Variants in RAB2B observed in about 807,000 individuals in gnomAD.
RAB2B encodes the protein ras-related protein Rab-2B.
In RAB2B, 20 loss-of-function variants were observed where a neutral mutation model predicts 29.8. That is an observed-to-expected ratio of 0.67 (90% CI 0.47 to 0.97). The LOEUF (loss-of-function observed/expected upper bound fraction) is 0.97. RAB2B is among the 50% of genes least tolerant of loss of function. The probability of loss-of-function intolerance (pLI) is 0.00; values close to 1 mark genes in which losing one functional copy is unlikely to be tolerated. For missense variants in RAB2B, 218 were observed against 272.0 expected (o/e 0.80, Z 1.40); for synonymous variants, 93 against 91.7 (o/e 1.01, Z -0.08).
chr14:21,473,784 G>C (rs995947024), intron 3 of RAB2B, among the ~76,000 whole-genome samples: 1 of 151,738 alleles, frequency 6.6e-6, no homozygotes, highest in Non-Finnish European at 1.5e-5. Context: ...AGGCTGAGGC[G>C]GGCGGATCAC....
intron 5 of RAB2B, among the ~76,000 whole-genome samples, chr14:21,464,160 G>A (rs1890634326): frequency 6.6e-6 from 1 of 152,110 alleles, no homozygotes; most frequent in South Asian, 2.1e-4. Context: ...CCAGCTCTTT[G>A]GGATGCCGAG....
chr14:21,463,229 C>T (rs368377396), intron 6 of RAB2B, among the ~76,000 whole-genome samples: 9 of 148,052 alleles, frequency 6.1e-5, no homozygotes, highest in South Asian at 2.1e-4. Context: ...GTAGTCACTA[C>T]GATCAGAAGA....
In RAB2B at chr14:21,468,756, TC is replaced by T; in HGVS notation, c.187-5del. On this transcript the variant is annotated splice_polypyrimidine_tract_variant and splice_region_variant and intron_variant, in intron 3 of 7. Transcript: ENST00000397762. The stretch of plus-strand genomic sequence containing the variant: ...AACGGAAGGATTCTTGCCCAGCCTT[TC>T]CCACCAACATGGCAACAAAAAATCC... 1 of 1,521,516 alleles carries T rather than the reference TC, an allele frequency of 6.6e-7. No homozygotes were observed. Among genetic ancestry groups the T allele is most frequent in the Non-Finnish European group, 8.8e-7 (1 of 1,134,646 alleles). The allele number at this position is 1,521,516 out of a possible 1,614,324, so 94.3% of individuals were successfully genotyped here. A position where few individuals can be genotyped will look rare whatever the true frequency, so the allele number is the denominator to read the frequency against.
At chr14:21,476,377 C>T (rs1374116949) in intron 2 of RAB2B, 151 bp downstream of exon 2, 2 of 745,500 alleles carry the variant, frequency 2.7e-6, no homozygotes, top group African/African-American at 1.7e-5. Context: ...ATCAACGTTT[C>T]ATTGGTCACT....
Position 21,461,237 on chromosome 14 carries a change from G to T in RAB2B, c.610C>A (p.Arg204=). 1 of 1,613,710 alleles carries T rather than the reference G, an allele frequency of 6.2e-7. No individual in the cohort carries two copies. Among genetic ancestry groups the T allele is most frequent in the Non-Finnish European group, 8.5e-7 (1 of 1,179,794 alleles). ...STSVGPSASQ[R]NSRDIGSNSG... is the part of the protein sequence containing the mutation. ...TTGGACCCTATGTCACGAGAGTTCC[G>T]CTGGGAGGCACTGGGTCCCACTGAT... Residue 204 remains arginine, a synonymous_variant, in exon 8 of 8, where the codon CGG becomes AGG. Coordinates refer to ENST00000397762, the MANE Select transcript of RAB2B (RefSeq NM_032846.4).
chr14:21,463,129 T>G (rs942794188), intron 6 of RAB2B, among the ~76,000 whole-genome samples: 1 of 152,112 alleles, frequency 6.6e-6, no homozygotes, highest in Non-Finnish European at 1.5e-5. Flanking sequence ...TAATCCACAC[T>G]TGCCAACTAA....
chr14:21,475,215 T>G (rs1358438432), intron 2 of RAB2B, among the ~76,000 whole-genome samples: 1 of 152,182 alleles, frequency 6.6e-6, no homozygotes. Flanking sequence ...TTTAAAAAGG[T>G]GAATACTTTT....
At chr14:21,461,360 G>T in intron 7 of RAB2B, 57 bp from the exon 8 acceptor site, 1 of 1,183,114 alleles carries the variant, frequency 8.5e-7, no homozygotes. Flanking sequence ...ATGAGAGACA[G>T]GAGGGGGCTA....
Position 21,461,094 on chromosome 14 carries a change from TAAAA to T in RAB2B, c.*98_*101del. The stretch of plus-strand genomic sequence containing the variant: ...GGTGGAAAGGCAAAACATCACACTT[TAAAA>T]AGAGGCTGCTCTCAGCCAAAGCAAG... On this transcript the variant is annotated 3_prime_UTR_variant, in exon 8 of 8. Coordinates refer to ENST00000397762, the MANE Select transcript of RAB2B (RefSeq NM_032846.4). 1.2e-6 allele frequency: 1 copy of T among 840,124 alleles called. No individual in the cohort carries two copies. Among genetic ancestry groups the T allele is most frequent in the East Asian group, 2.6e-5 (1 of 38,250 alleles). The allele number at this position is 840,124 out of a possible 1,614,324, so 52.0% of individuals were successfully genotyped here.
chr14:21,462,022 TCTC>T (rs1465247728), intron 7 of RAB2B, among the ~76,000 whole-genome samples: 2 of 152,312 alleles, frequency 1.3e-5, no homozygotes, highest in Admixed American at 6.5e-5. Context: ...TAGAAATTAC[TCTC>T]CTAAGCAATT....
chr14:21,468,603 GA>G (rs35440295), intron 4 of RAB2B, 66 bp downstream of exon 4: 140,608 of 979,600 alleles, frequency 0.14, 9 homozygotes, highest in East Asian at 0.23. Flanking sequence ...TCAGTAGATA[GA>G]AAAAAAAAAA....
intron 3 of RAB2B, among the ~76,000 whole-genome samples, chr14:21,470,795 T>C (rs971020664): frequency 6.6e-6 from 1 of 152,068 alleles, no homozygotes; most frequent in Non-Finnish European, 1.5e-5. Context: ...TTCAATCACA[T>C]GGCAGCATTT....
At position 21,475,430 on chromosome 14, in the gene RAB2B, C is replaced by CTT. The variant is rs11408746; in HGVS notation, c.119-498_119-497dup. 4.0e-3 allele frequency among the ~76,000 whole-genome samples: 517 copies of CTT among 129,446 alleles called. 13 individuals carry two copies. Among genetic ancestry groups the CTT allele is most frequent in the African/African-American group, 5.9e-3 (200 of 34,176 alleles). 84.9% of individuals were successfully genotyped at this position (129,446 alleles called of 152,430 possible). On this transcript the variant is annotated intron_variant, in intron 2 of 7. Coordinates refer to ENST00000397762, the MANE Select transcript of RAB2B (RefSeq NM_032846.4). ...AAGAAATAGGTTCTCAGAAACAATACTTTTTTTTTTTTTTTTTTGAGATGG... is the reference window on the plus strand; with the variant it reads ...AAGAAATAGGTTCTCAGAAACAATACTTTTTTTTTTTTTTTTTTTTGAGATGG...
At position 21,460,278 on chromosome 14, in the gene RAB2B, T is replaced by C. The variant is rs1294702958; in HGVS notation, c.*918A>G. On this transcript the variant is annotated 3_prime_UTR_variant, in exon 8 of 8. Coordinates refer to ENST00000397762, the MANE Select transcript of RAB2B (RefSeq NM_032846.4). ...CCCTAATTCTTAGTGGGAAGTGGAT[T>C]GTATATGCTTACGAAATTATTTATT... 1.9e-6 allele frequency: 1 copy of C among 518,402 alleles called. No individual in the cohort carries two copies. Among genetic ancestry groups the C allele is most frequent in the Admixed American group, 1.9e-5 (1 of 51,342 alleles). The allele number at this position is 518,402 out of a possible 1,614,324, so 32.1% of individuals were successfully genotyped here.
At chr14:21,469,503 T>C (rs942972373) in intron 3 of RAB2B, among the ~76,000 whole-genome samples, 2 of 152,380 alleles carry the variant, frequency 1.3e-5, no homozygotes, top group Non-Finnish European at 1.5e-5. Flanking sequence ...GACAAAGATA[T>C]TAAGTTCTAT....
chr14:21,467,097 C>T (rs1192977030), intron 5 of RAB2B, among the ~76,000 whole-genome samples: 2 of 151,642 alleles, frequency 1.3e-5, no homozygotes, highest in African/African-American at 4.8e-5. Flanking sequence ...TCAGTACAGA[C>T]GGGGTTTCAC....
At chr14:21,461,346 G>A in intron 7 of RAB2B, 43 bp from the exon 8 acceptor site, 1 of 1,383,894 alleles carries the variant, frequency 7.2e-7, no homozygotes, top group Non-Finnish European at 1.0e-6. Context: ...CAGTGTTAAA[G>A]TGAATGAGAG....
At chr14:21,463,907 C>A (rs1890627984) in intron 5 of RAB2B, 140 bp from the exon 6 acceptor site, 1 of 604,732 alleles carries the variant, frequency 1.7e-6, no homozygotes, top group East Asian at 2.8e-5. Flanking sequence ...TACTCTTATA[C>A]AGAGTTACTG....
At chr14:21,476,688 G>A (rs1890981310) in intron 1 of RAB2B, 89 bp from the exon 2 acceptor site, 2 of 1,609,100 alleles carry the variant, frequency 1.2e-6, no homozygotes, top group Non-Finnish European at 1.7e-6. Flanking sequence ...GGGGGCTCCC[G>A]AGCCCCGCCC....
Sources: allele counts gnomAD v4.1 joint callset (sites outside exome capture counted in the v4.1 genomes callset), GRCh38; gene constraint gnomAD v4.1.1; transcripts MANE v1.5; gene names NCBI Gene and HGNC (gene_info 2026-07-23, HGNC 2026-07-21).